The following OR11A1 variants were observed in gnomAD, a reference collection of about 807,000 sequenced individuals.
The protein encoded by OR11A1 is olfactory receptor family 11 subfamily A member 1.
For missense variants in OR11A1, 380 were observed against 378.2 expected, an observed-to-expected ratio of 1.00 and a Z score of -0.04; for synonymous variants, 158 against 152.2, an observed-to-expected ratio of 1.04 and a Z score of -0.28.
Position 29,430,403 on chromosome 6 carries a change from C to T in OR11A1, c.-242G>A. The T allele has an allele frequency of 1.0e-6, 1 of 985,340 alleles. No homozygotes were observed. Among genetic ancestry groups the T allele is most frequent in the Non-Finnish European group, 1.2e-6 (1 of 829,888 alleles). 61.0% of individuals were successfully genotyped at this position (985,340 alleles called of 1,614,324 possible). ...TATCTGGTCCAAACTCATTCTGAGG[C>T]TTGGAGTCTTTCTATAGGATTCCTG... On this transcript the variant is annotated 5_prime_UTR_variant, in exon 3 of 5. Transcript: ENST00000377149.
chr6:29,428,756 C>CAAAA lies in OR11A1; in HGVS notation c.-92+153_-92+156dup, dbSNP rs11424255. 5.8e-4 allele frequency among the ~76,000 whole-genome samples: 28 copies of CAAAA among 47,884 alleles called. 1 individual carries two copies. Among genetic ancestry groups the CAAAA allele is most frequent in the African/African-American group, 1.7e-3 (19 of 11,514 alleles). The allele number at this position is 47,884 out of a possible 152,430, so 31.4% of individuals were successfully genotyped here. On this transcript the variant is annotated intron_variant, in intron 4 of 4. Coordinates refer to ENST00000377149, the MANE Select transcript of OR11A1 (RefSeq NM_001394828.1). ...TGGGCAATAGAACGAAACTCCATCTCAAAAAAAAAAAAAAAAAAAAAAAAA... is the reference window on the plus strand; with the variant it reads ...TGGGCAATAGAACGAAACTCCATCTCAAAAAAAAAAAAAAAAAAAAAAAAAAAAA...
intron 3 of OR11A1, 74 bp from the exon 4 acceptor site, chr6:29,429,034 AT>A (rs1221088124): frequency 4.3e-6 from 1 of 234,130 alleles, no homozygotes; most frequent in East Asian, 1.8e-4. Flanking sequence ...AGCAGATATC[AT>A]ATAAATAAAT....
Position 29,440,095 on chromosome 6 carries a change from T to A in OR11A1, c.-388-8108A>T. On this transcript the variant is annotated intron_variant, in intron 1 of 4. Coordinates refer to ENST00000377149, the MANE Select transcript of OR11A1 (RefSeq NM_001394828.1). ...CTGGCCGACCTCCAGGGCTTGCTCT[T>A]CTCTGTCTTTCTCACTATCTACCTG... 1 of 1,613,266 alleles carries A rather than the reference T, an allele frequency of 6.2e-7. No homozygotes were observed. The highest frequency in any genetic ancestry group is 8.5e-7 in the Non-Finnish European group (1 of 1,180,014).
At position 29,425,820 on chromosome 6, in the gene OR11A1, A is replaced by G. The variant is rs1272942000; in HGVS notation, c.*874T>C. 2 of 152,236 alleles carry G rather than the reference A, an allele frequency of 1.3e-5. No homozygotes were observed. 9.4% of individuals were successfully genotyped at this position (152,236 alleles called of 1,614,324 possible). On this transcript the variant is annotated 3_prime_UTR_variant, in exon 5 of 5. Coordinates refer to ENST00000377149, the MANE Select transcript of OR11A1 (RefSeq NM_001394828.1). The stretch of plus-strand genomic sequence containing the variant: ...AAGGAATTCAGCTTTAGATTTTTAA[A>G]AACACATATCCTTAGATCTTGCAAT...
chr6:29,426,863 T>TAAA lies in OR11A1; in HGVS notation c.776_778dup (p.Phe259dup). On this transcript the variant is annotated inframe_insertion, in exon 5 of 5. Transcript: ENST00000377149. ...GGAATGGACAGCAGAGGGTGCAACATAAAAGATCATGAGCGTTCCATAGAA... is the reference window on the plus strand; with the variant it reads ...GGAATGGACAGCAGAGGGTGCAACATAAAAAAAGATCATGAGCGTTCCATAGAA... 6.2e-7 allele frequency: 1 copy of TAAA among 1,612,990 alleles called. No homozygotes were observed. Among genetic ancestry groups the TAAA allele is most frequent in the East Asian group, 2.2e-5 (1 of 44,870 alleles).
rs1194905759 is a variant in OR11A1, at chr6:29,427,734, TAAAAC to T, written c.-91-7_-91-3del. 8.2e-6 allele frequency: 12 copies of T among 1,471,886 alleles called. No homozygotes were observed. Among genetic ancestry groups the T allele is most frequent in the South Asian group, 5.9e-5 (4 of 68,048 alleles). 91.2% of individuals were successfully genotyped at this position (1,471,886 alleles called of 1,614,324 possible). Reference sequence around the variant, plus strand: ...ATACCAAGCCTAACGTTATTAGAGCTAAAACAAAACAAAACAAAAAAGACAAAAAT... The same window carrying T: ...ATACCAAGCCTAACGTTATTAGAGCTAAAACAAAACAAAAAAGACAAAAAT... On this transcript the variant is annotated splice_polypyrimidine_tract_variant and splice_region_variant and intron_variant, in intron 4 of 4. Coordinates refer to ENST00000377149, the MANE Select transcript of OR11A1 (RefSeq NM_001394828.1).
chr6:29,440,667 G>A (rs1411687757), intron 1 of OR11A1: 8 of 1,614,122 alleles, frequency 5.0e-6, no homozygotes, highest in Admixed American at 1.7e-5. Flanking sequence ...GGGCTCCTAC[G>A]GGCGTATCCT....
rs1328763464 is a variant in OR11A1, at chr6:29,438,179, G to T, written c.-388-6192C>A. Among the ~76,000 whole-genome samples, 6 of 152,138 alleles carry T rather than the reference G, an allele frequency of 3.9e-5. No homozygotes were observed. In the East Asian group the frequency reaches 1.2e-3, roughly 29 times the overall value. On this transcript the variant is annotated intron_variant, in intron 1 of 4. Coordinates refer to ENST00000377149, the MANE Select transcript of OR11A1 (RefSeq NM_001394828.1). Reference sequence around the variant, plus strand: ...GGTATGTCTTGAAAACATTCTATTTGACACACAGCTTTTATCACATCTATG... The same window carrying T: ...GGTATGTCTTGAAAACATTCTATTTTACACACAGCTTTTATCACATCTATG...
chr6:29,427,769 C>T lies in OR11A1; in HGVS notation c.-91-37G>A, dbSNP rs1782951704. 3 of 1,416,162 alleles carry T rather than the reference C, an allele frequency of 2.1e-6. No individual in the cohort carries two copies. The South Asian group carries it at 4.7e-5, about 22-fold the overall frequency. The allele number at this position is 1,416,162 out of a possible 1,614,324, so 87.7% of individuals were successfully genotyped here. On this transcript the variant is annotated intron_variant, in intron 4 of 4. Coordinates refer to ENST00000377149, the MANE Select transcript of OR11A1 (RefSeq NM_001394828.1). ...CAAAACAAAAAAGACAAAAATGAGT[C>T]TCTAAAACAAGACTCGCTCACGCAA...
At chr6:29,443,200 GACA>G (rs1291657956) in intron 1 of OR11A1, among the ~76,000 whole-genome samples, 10 of 152,130 alleles carry the variant, frequency 6.6e-5, no homozygotes, top group African/African-American at 2.4e-4. Context: ...TATGCACCAT[GACA>G]TTATAGGCGC....
intron 2 of OR11A1, among the ~76,000 whole-genome samples, chr6:29,430,906 A>G (rs1783183913): frequency 1.3e-5 from 2 of 152,214 alleles, no homozygotes; most frequent in African/African-American, 4.8e-5. Context: ...GAATCAGGGA[A>G]TAGAGGAAGT....
intron 1 of OR11A1, chr6:29,440,040 A>C: frequency 6.2e-7 from 1 of 1,612,976 alleles, no homozygotes; most frequent in Non-Finnish European, 8.5e-7. Flanking sequence ...CTCCATGGTG[A>C]CTGAGTTTCT....
intron 1 of OR11A1, among the ~76,000 whole-genome samples, chr6:29,443,148 T>C (rs982453283): frequency 2.0e-5 from 3 of 151,976 alleles, no homozygotes; most frequent in African/African-American, 7.3e-5. Context: ...TATGACAAAT[T>C]GTACATGTTT....
At chr6:29,447,620 A>G (rs1354229362) in intron 1 of OR11A1, among the ~76,000 whole-genome samples, 4 of 152,238 alleles carry the variant, frequency 2.6e-5, no homozygotes, top group East Asian at 1.9e-4. Flanking sequence ...CCAATTGTGA[A>G]TGAGAATGCA....
chr6:29,428,787 A>AAAG (rs1783056095), intron 4 of OR11A1, 126 bp downstream of exon 4: 1 of 131,648 alleles, frequency 7.6e-6, no homozygotes, highest in African/African-American at 2.8e-5. Flanking sequence ...AAAAAAAAAG[A>AAAG]GTTGGCCAGG....
intron 1 of OR11A1, among the ~76,000 whole-genome samples, chr6:29,454,680 G>A (rs1268751691): frequency 6.6e-6 from 1 of 152,024 alleles, no homozygotes; most frequent in Non-Finnish European, 1.5e-5. Flanking sequence ...CACCCAAAAA[G>A]TAGAAACAAT....
At chr6:29,434,389 C>G (rs1427879754) in intron 1 of OR11A1, among the ~76,000 whole-genome samples, 1 of 152,156 alleles carries the variant, frequency 6.6e-6, no homozygotes, top group African/African-American at 2.4e-5. Flanking sequence ...TGTGGATATT[C>G]AGTTTTCCAA....
rs2151362523 is a variant in OR11A1 at position 29,428,929 on chromosome 6, A to G, written c.-108T>C. The G allele has an allele frequency of 7.2e-6, 7 of 974,766 alleles. No individual in the cohort carries two copies. Among genetic ancestry groups the G allele is most frequent in the South Asian group, 4.7e-5 (1 of 21,066 alleles). 60.4% of individuals were successfully genotyped at this position (974,766 alleles called of 1,614,324 possible). A position where few individuals can be genotyped will look rare whatever the true frequency, so the allele number is the denominator to read the frequency against. On this transcript the variant is annotated 5_prime_UTR_variant, in exon 4 of 5. An upstream start codon of the reference 5' UTR is lost. Coordinates refer to ENST00000377149, the MANE Select transcript of OR11A1 (RefSeq NM_001394828.1). ...CTGTCATACCTGCTGGAAGGTTTTCATATGCTATTCAAAGCAATATGTGTT... is the reference window on the plus strand; with the variant it reads ...CTGTCATACCTGCTGGAAGGTTTTCGTATGCTATTCAAAGCAATATGTGTT...
chr6:29,447,875 T>C (rs6929603), intron 1 of OR11A1, among the ~76,000 whole-genome samples: 6,550 of 152,262 alleles, frequency 0.043, 290 homozygotes, highest in African/African-American at 0.11. Context: ...ATGCATTCTT[T>C]GCATTCCTTG....
Sources: gnomAD v4.1 joint callset for allele counts (sites outside exome capture counted in the v4.1 genomes callset) on GRCh38, gnomAD v4.1.1 for gene constraint, MANE v1.5 for transcripts, NCBI Gene and HGNC (gene_info 2026-07-23, HGNC 2026-07-21) for gene names.